The following MARCHF3 variants were observed in gnomAD, a reference collection of about 807,000 sequenced individuals.
MARCHF3 encodes the protein E3 ubiquitin-protein ligase MARCHF3.
MARCHF3 carries 13 observed loss-of-function variants against 24.2 expected under a neutral mutation model. The observed-to-expected ratio is 0.54, with a 90% CI of 0.35 to 0.85. The LOEUF is 0.85. Among genes scored for constraint, MARCHF3 ranks in the 40% least tolerant of loss-of-function variants. The probability of loss-of-function intolerance (pLI) is 0.01; values close to 1 mark genes in which losing one functional copy is unlikely to be tolerated. For synonymous variants in MARCHF3, 144 were observed against 137.3 expected, an observed-to-expected ratio of 1.05 and a Z score of -0.34; for missense variants, 276 against 325.0, an observed-to-expected ratio of 0.85 and a Z score of 1.16.
intron 2 of MARCHF3, among the ~76,000 whole-genome samples, chr5:126,917,261 T>C (rs1364364503): frequency 2.0e-5 from 3 of 152,208 alleles, no homozygotes; most frequent in African/African-American, 7.2e-5. Context: ...GAGTTCCTAT[T>C]AGCCTGGCAG....
intron 1 of MARCHF3, among the ~76,000 whole-genome samples, chr5:126,990,905 C>T (rs933781113): frequency 2.6e-5 from 4 of 152,168 alleles, no homozygotes; most frequent in Non-Finnish European, 5.9e-5. Flanking sequence ...ACAACAGATG[C>T]TGGAGAGGAT....
intron 1 of MARCHF3, among the ~76,000 whole-genome samples, chr5:126,964,822 G>A (rs1750750958): frequency 6.6e-6 from 1 of 152,128 alleles, no homozygotes; most frequent in South Asian, 2.1e-4. Context: ...ACAACATGGT[G>A]AGCCAGTTTT....
At chr5:126,931,582 C>CACAT (rs1419062326) in intron 1 of MARCHF3, among the ~76,000 whole-genome samples, 3 of 151,142 alleles carry the variant, frequency 2.0e-5, no homozygotes, top group African/African-American at 7.3e-5. Context: ...CACACACACA[C>CACAT]ACACACACAC....
chr5:126,950,907 A>C (rs1442937005), intron 1 of MARCHF3, among the ~76,000 whole-genome samples: 1 of 152,198 alleles, frequency 6.6e-6, no homozygotes, highest in Non-Finnish European at 1.5e-5. Flanking sequence ...ACAAATATAA[A>C]GTGTAAAATT....
At chr5:126,952,603 C>T (rs746222875) in intron 1 of MARCHF3, among the ~76,000 whole-genome samples, 1 of 152,074 alleles carries the variant, frequency 6.6e-6, no homozygotes, top group Non-Finnish European at 1.5e-5. Context: ...CCCTCCTTTC[C>T]CCACGTTTTG....
intron 1 of MARCHF3, among the ~76,000 whole-genome samples, 187 bp from the exon 2 acceptor site, chr5:126,918,414 A>G (rs986234467): frequency 1.3e-5 from 2 of 152,180 alleles, no homozygotes; most frequent in Non-Finnish European, 2.9e-5. Context: ...AGCCCACAAG[A>G]AACAGCAGAT....
chr5:127,021,699 A>G (rs1373155809), intron 1 of MARCHF3, among the ~76,000 whole-genome samples: 1 of 152,232 alleles, frequency 6.6e-6, no homozygotes, highest in Non-Finnish European at 1.5e-5. Context: ...TGGTAGAAAA[A>G]TAAATGAAGA....
At chr5:127,005,203 C>G (rs1364735066) in intron 1 of MARCHF3, among the ~76,000 whole-genome samples, 1 of 143,226 alleles carries the variant, frequency 7.0e-6, no homozygotes, top group Non-Finnish European at 1.5e-5. Context: ...GTGGCACGAT[C>G]TCAGCTCACT....
chr5:126,894,408 T>A (rs1392480535), intron 3 of MARCHF3, among the ~76,000 whole-genome samples: 1 of 151,650 alleles, frequency 6.6e-6, no homozygotes, highest in Admixed American at 6.6e-5. Flanking sequence ...TTTGGCATGA[T>A]TTTGCAGCGG....
At chr5:126,908,618 C>T (rs572410941) in intron 3 of MARCHF3, among the ~76,000 whole-genome samples, 2 of 152,034 alleles carry the variant, frequency 1.3e-5, no homozygotes, top group African/African-American at 2.4e-5. Flanking sequence ...CGCATCGGCT[C>T]CTGAGGCTTC....
At chr5:126,979,536 AC>A (rs1355769251) in intron 1 of MARCHF3, among the ~76,000 whole-genome samples, 1 of 152,228 alleles carries the variant, frequency 6.6e-6, no homozygotes, top group African/African-American at 2.4e-5. Context: ...AGGTAAAGAC[AC>A]TAGGTATCAG....
At chr5:126,886,240 G>A (rs1753506148) in intron 3 of MARCHF3, among the ~76,000 whole-genome samples, 1 of 152,122 alleles carries the variant, frequency 6.6e-6, no homozygotes, top group Non-Finnish European at 1.5e-5. Flanking sequence ...TACATGGTGA[G>A]GTGCCAGTAT....
At chr5:127,009,951 A>G (rs969807833) in intron 1 of MARCHF3, among the ~76,000 whole-genome samples, 7 of 152,220 alleles carry the variant, frequency 4.6e-5, no homozygotes, top group Admixed American at 3.9e-4. Context: ...AACAGACTGG[A>G]AAGATGAATA....
chr5:126,950,349 T>C (rs939622508), intron 1 of MARCHF3, among the ~76,000 whole-genome samples: 2 of 152,160 alleles, frequency 1.3e-5, no homozygotes, highest in African/African-American at 4.8e-5. Context: ...ACTTCATTCA[T>C]ATTTCACTCT....
chr5:126,916,594 C>T (rs912516785), intron 2 of MARCHF3, among the ~76,000 whole-genome samples: 2 of 151,932 alleles, frequency 1.3e-5, no homozygotes, highest in African/African-American at 4.8e-5. Context: ...TGATTCTGGG[C>T]CTCCTTCATT....
chr5:126,946,963 A>G (rs891246701), intron 1 of MARCHF3, among the ~76,000 whole-genome samples: 1 of 152,178 alleles, frequency 6.6e-6, no homozygotes, highest in African/African-American at 2.4e-5. Flanking sequence ...TCCCAGAAAG[A>G]TAATTCTGTA....
At chr5:126,909,369 C>G (rs1273569752) in intron 3 of MARCHF3, among the ~76,000 whole-genome samples, 1 of 152,226 alleles carries the variant, frequency 6.6e-6, no homozygotes, top group Non-Finnish European at 1.5e-5. Context: ...TTCCCGGCTG[C>G]TTTGTTTACC....
intron 1 of MARCHF3, among the ~76,000 whole-genome samples, chr5:126,926,762 C>A (rs1462388447): frequency 2.0e-5 from 3 of 151,922 alleles, no homozygotes; most frequent in African/African-American, 7.3e-5. Context: ...TGACACTGAA[C>A]CTCAGTTTCC....
At chr5:126,901,911 C>G (rs1210251971) in intron 3 of MARCHF3, among the ~76,000 whole-genome samples, 1 of 152,244 alleles carries the variant, frequency 6.6e-6, no homozygotes, top group South Asian at 2.1e-4. Flanking sequence ...CTCCCCCTTA[C>G]AAAGCTTTTC....
Sources: allele counts gnomAD v4.1 joint callset (sites outside exome capture counted in the v4.1 genomes callset), GRCh38; gene constraint gnomAD v4.1.1; transcripts MANE v1.5; gene names NCBI Gene and HGNC (gene_info 2026-07-23, HGNC 2026-07-21).